Variants in MICU2 observed in about 807,000 individuals in gnomAD.
The protein encoded by MICU2 is calcium uptake protein 2, mitochondrial.
In MICU2, 64 loss-of-function variants were observed where a neutral mutation model predicts 60.4. That is an observed-to-expected ratio of 1.06 (90% CI 0.87 to 1.31). MICU2 has a LOEUF of 1.31. Among genes scored for constraint, MICU2 ranks in the 50% most tolerant of loss-of-function variants. The pLI, the probability that MICU2 is intolerant of heterozygous loss-of-function variation, is 0.00. For synonymous variants in MICU2, 201 were observed against 175.0 expected (o/e 1.15, Z -1.17); for missense variants, 569 against 531.0 (o/e 1.07, Z -0.70).
chr13:21,521,933 A>G (rs925960104), intron 5 of MICU2, among the ~76,000 whole-genome samples: 8 of 152,078 alleles, frequency 5.3e-5, no homozygotes, highest in African/African-American at 1.9e-4. Context: ...GTGCACCACC[A>G]CACCTCGCAA....
chr13:21,602,728 C>T (rs1888853263), intron 1 of MICU2: 3 of 152,076 alleles, frequency 2.0e-5, no homozygotes, highest in Non-Finnish European at 2.9e-5. Flanking sequence ...GTTGCCAATA[C>T]TTAATTTTAA....
intron 1 of MICU2, among the ~76,000 whole-genome samples, chr13:21,595,298 C>T (rs1156270149): frequency 6.6e-6 from 1 of 152,212 alleles, no homozygotes; most frequent in Non-Finnish European, 1.5e-5. Flanking sequence ...CCACAGAAGG[C>T]ATGGGAGTGA....
chr13:21,557,134 G>A (rs980792870), intron 2 of MICU2, among the ~76,000 whole-genome samples: 2 of 152,132 alleles, frequency 1.3e-5, no homozygotes, highest in Admixed American at 1.3e-4. Flanking sequence ...TTAAATCTGA[G>A]AATAGGTGCA....
chr13:21,495,816 G>A, intron 10 of MICU2: 2 of 365,454 alleles, frequency 5.5e-6, no homozygotes, highest in Non-Finnish European at 4.9e-6. Flanking sequence ...TTACAGGCAT[G>A]AGCCACCATG....
chr13:21,494,846 T>C (rs1397674694), intron 11 of MICU2, among the ~76,000 whole-genome samples: 1 of 152,140 alleles, frequency 6.6e-6, no homozygotes, highest in African/African-American at 2.4e-5. Flanking sequence ...CATTTCTGAA[T>C]AGTAATTTCT....
At chr13:21,592,997 G>C (rs926564247) in intron 1 of MICU2, among the ~76,000 whole-genome samples, 1 of 152,184 alleles carries the variant, frequency 6.6e-6, no homozygotes, top group Non-Finnish European at 1.5e-5. Flanking sequence ...ATTCAACAGA[G>C]TACTGGAAGT....
At chr13:21,528,139 C>T (rs778416944) in intron 4 of MICU2, among the ~76,000 whole-genome samples, 2 of 152,094 alleles carry the variant, frequency 1.3e-5, no homozygotes, top group Non-Finnish European at 2.9e-5. Context: ...ACAACTTCTT[C>T]TTCCTTATAA....
At chr13:21,534,355 G>C (rs1399798046) in intron 4 of MICU2, among the ~76,000 whole-genome samples, 1 of 151,990 alleles carries the variant, frequency 6.6e-6, no homozygotes, top group Non-Finnish European at 1.5e-5. Context: ...ACAGGCGTGA[G>C]CCACCATGTG....
At chr13:21,574,224 G>A (rs1888175884) in intron 1 of MICU2, among the ~76,000 whole-genome samples, 1 of 152,156 alleles carries the variant, frequency 6.6e-6, no homozygotes, top group African/African-American at 2.4e-5. Flanking sequence ...TGGGAGTGGA[G>A]GGATGGATTC....
intron 8 of MICU2, among the ~76,000 whole-genome samples, chr13:21,503,777 GATTT>G (rs1886234184): frequency 6.6e-6 from 1 of 152,144 alleles, no homozygotes. Flanking sequence ...CGTTGCACTT[GATTT>G]ATTTATAACC....
chr13:21,583,304 T>A (rs1888390974), intron 1 of MICU2, among the ~76,000 whole-genome samples: 1 of 152,178 alleles, frequency 6.6e-6, no homozygotes, highest in African/African-American at 2.4e-5. Flanking sequence ...ATAAACATGC[T>A]TCAATCACTG....
intron 7 of MICU2, among the ~76,000 whole-genome samples, chr13:21,513,987 C>T (rs1886498821): frequency 6.6e-6 from 1 of 152,052 alleles, no homozygotes; most frequent in Non-Finnish European, 1.5e-5. Flanking sequence ...TTCTGCTCTA[C>T]CTACATACTC....
rs182177297 is a variant in MICU2 at position 21,583,655 on chromosome 13, A to G, written c.211-16711T>C. Among the ~76,000 whole-genome samples, 198 of 152,282 alleles carry G rather than the reference A, an allele frequency of 1.3e-3. 1 individual carries two copies. The highest frequency in any genetic ancestry group is 4.6e-3 in the African/African-American group (192 of 41,562). ...CAGCTCCATGCATGGGGCTCCCGCT[A>G]AAGCAACAGTCAAAGCAGTACTACT... On this transcript the variant is annotated intron_variant, in intron 1 of 11. Transcript: ENST00000382374.
chr13:21,552,783 A>G (rs561570566), intron 2 of MICU2, among the ~76,000 whole-genome samples: 209 of 152,154 alleles, frequency 1.4e-3, no homozygotes, highest in African/African-American at 4.7e-3. Context: ...TGTTCCATTG[A>G]TCTATATCTC....
chr13:21,507,319 C>A (rs1438062347), intron 8 of MICU2, among the ~76,000 whole-genome samples: 2 of 152,022 alleles, frequency 1.3e-5, no homozygotes, highest in Non-Finnish European at 1.5e-5. Context: ...GTTAGGGAAT[C>A]GTAAAGTGAA....
chr13:21,496,830 C>T lies in MICU2; in HGVS notation c.934-670G>A, dbSNP rs375393646. On this transcript the variant is annotated intron_variant, in intron 9 of 11. Transcript: ENST00000382374. ...CAGCACTTTGGGAGGCGGAGGCGGG[C>T]GGATCACGAGGTCGGAAGATGGAGA... 2.6e-3 allele frequency among the ~76,000 whole-genome samples: 399 copies of T among 151,930 alleles called. 1 individual carries two copies. The highest frequency in any genetic ancestry group is 8.8e-3 in the African/African-American group (365 of 41,442).
intron 2 of MICU2, among the ~76,000 whole-genome samples, chr13:21,554,943 A>C (rs1158762084): frequency 1.3e-5 from 2 of 152,234 alleles, no homozygotes. Context: ...ATTCCTCGAC[A>C]CATATACTCT....
At chr13:21,588,051 G>C (rs1327460698) in intron 1 of MICU2, among the ~76,000 whole-genome samples, 1 of 152,098 alleles carries the variant, frequency 6.6e-6, no homozygotes, top group Non-Finnish European at 1.5e-5. Context: ...TGTCAACCAG[G>C]AGTCTTGCCC....
At chr13:21,538,036 G>C (rs1887177065) in intron 4 of MICU2, among the ~76,000 whole-genome samples, 1 of 151,960 alleles carries the variant, frequency 6.6e-6, no homozygotes, top group African/African-American at 2.4e-5. Context: ...TCATCAACAA[G>C]AAACATGCTC....
Sources: allele counts gnomAD v4.1 joint callset (sites outside exome capture counted in the v4.1 genomes callset), GRCh38; gene constraint gnomAD v4.1.1; transcripts MANE v1.5; gene names NCBI Gene and HGNC (gene_info 2026-07-23, HGNC 2026-07-21).